SPART: variants seen among roughly 807,000 people sequenced by gnomAD.
The protein encoded by SPART is spastic paraplegia 20 (Troyer syndrome).
SPART carries 35 observed loss-of-function variants against 58.7 expected under a neutral mutation model. The observed-to-expected ratio is 0.60, with a 90% CI of 0.46 to 0.79. The LOEUF (loss-of-function observed/expected upper bound fraction) is 0.79. Among genes scored for constraint, SPART ranks in the 30% least tolerant of loss-of-function variants. The pLI is 0.00. For synonymous variants in SPART, 284 were observed against 280.7 expected, an observed-to-expected ratio of 1.01 and a Z score of -0.12; for missense variants, 730 against 786.1, an observed-to-expected ratio of 0.93 and a Z score of 0.85.
rs750885553 is a variant in SPART at position 36,314,271 on chromosome 13, G to A, written c.1439C>T (p.Ala480Val). ...TGCTGCTCCTCCTGTAGCTTGCTTC[G>A]CTATATAAAGTCCCTTGGTGACAGC... ...SPAVTKGLYIAKQATGGAAKV... is the reference protein window; with the variant it reads ...SPAVTKGLYIVKQATGGAAKV... Residue 480 changes from alanine to valine, a missense_variant, in exon 6 of 9, where the codon GCG becomes GTG. Coordinates refer to ENST00000438666, the MANE Select transcript of SPART (RefSeq NM_015087.5). 4.4e-5 allele frequency: 71 copies of A among 1,613,896 alleles called. No homozygotes were observed. The East Asian group carries it at 8.7e-4, about 20-fold the overall frequency.
intron 6 of SPART, chr13:36,313,910 C>A: frequency 2.7e-6 from 1 of 364,966 alleles, no homozygotes; most frequent in Non-Finnish European, 5.0e-6. Context: ...TCCTCTCCAA[C>A]ACATCAGAAC....
Position 36,335,202 on chromosome 13 carries a change from G to A in SPART, c.629C>T (p.Pro210Leu), listed in dbSNP as rs1883859051. 6.2e-7 allele frequency: 1 copy of A among 1,614,106 alleles called. No individual in the cohort carries two copies. Among genetic ancestry groups the A allele is most frequent in the Non-Finnish European group, 8.5e-7 (1 of 1,180,014 alleles). The change falls in exon 2 of 9, where the codon CCT (proline) becomes CTT (leucine). Residue 210 changes from proline to leucine, a missense_variant. Pro to Leu is a moderately conservative substitution (Grantham distance 98, BLOSUM62 -3). Transcript: ENST00000438666. ...EFYRNHSQPP[P>L]LETLGLDADE... ...TGCATCCAGCCCTAAGGTCTCAAGA[G>A]GCGGTGGCTGAGAATGATTCCTATA...
intron 5 of SPART, among the ~76,000 whole-genome samples, chr13:36,320,638 G>C (rs535700754): frequency 6.6e-6 from 1 of 152,020 alleles, no homozygotes; most frequent in Non-Finnish European, 1.5e-5. Context: ...CATCAAGCTC[G>C]AGGATTTGCT....
upstream of SPART, among the ~76,000 whole-genome samples, chr13:36,350,284 C>T (rs888453395): frequency 2.0e-5 from 3 of 152,136 alleles, no homozygotes; most frequent in Non-Finnish European, 2.9e-5. Context: ...TAAGTTATGC[C>T]GGTGAACACT....
intron 4 of SPART, among the ~76,000 whole-genome samples, chr13:36,327,805 T>C (rs1281788973): frequency 1.3e-5 from 2 of 152,106 alleles, no homozygotes; most frequent in Non-Finnish European, 2.9e-5. Flanking sequence ...CTGGCCAACA[T>C]GGTGAAACTG....
At chr13:36,306,570 C>T (rs1475106791) in intron 8 of SPART, among the ~76,000 whole-genome samples, 1 of 152,072 alleles carries the variant, frequency 6.6e-6, no homozygotes, top group East Asian at 1.9e-4. Context: ...TGGAATGTTC[C>T]CTATTCCACT....
chr13:36,317,434 A>G (rs993944663), intron 5 of SPART, among the ~76,000 whole-genome samples: 1 of 151,104 alleles, frequency 6.6e-6, no homozygotes, highest in African/African-American at 2.4e-5. Flanking sequence ...CCAACCTCTT[A>G]TATCTCTGTG....
chr13:36,365,556 T>C (rs963113137), intron 1 of SPART: 14 of 459,394 alleles, frequency 3.0e-5, no homozygotes, highest in Non-Finnish European at 6.3e-5. Flanking sequence ...AACCGCCTAT[T>C]GATACCTACC....
intron 2 of SPART, among the ~76,000 whole-genome samples, chr13:36,334,384 C>T (rs941824109): frequency 5.3e-5 from 8 of 151,990 alleles, no homozygotes; most frequent in African/African-American, 1.2e-4. Context: ...ACCACAGTCT[C>T]GACTTCTAAA....
intron 1 of SPART, among the ~76,000 whole-genome samples, chr13:36,340,362 C>CAA (rs34348536): frequency 6.6e-6 from 1 of 150,588 alleles, no homozygotes; most frequent in Non-Finnish European, 1.5e-5. Context: ...GACTCTGTTT[C>CAA]AAAAAAATAA....
chr13:36,338,364 A>C (rs1884222454), intron 1 of SPART, among the ~76,000 whole-genome samples: 1 of 152,184 alleles, frequency 6.6e-6, no homozygotes, highest in Admixed American at 6.5e-5. Flanking sequence ...CTCCCAAAAC[A>C]CACTTGAGAA....
chr13:36,314,808 G>T (rs1279523522), intron 5 of SPART, among the ~76,000 whole-genome samples: 1 of 152,044 alleles, frequency 6.6e-6, no homozygotes, highest in African/African-American at 2.4e-5. Context: ...TGTTCTTTTT[G>T]CCTTAGGCCA....
At chr13:36,315,695 G>C (rs1881620663) in intron 5 of SPART, among the ~76,000 whole-genome samples, 1 of 152,072 alleles carries the variant, frequency 6.6e-6, no homozygotes, top group Admixed American at 6.5e-5. Context: ...AACAACAAAA[G>C]GCTTGAAGAT....
At chr13:36,354,827 A>G (rs1028484782) in intron 1 of SPART, among the ~76,000 whole-genome samples, 3 of 152,210 alleles carry the variant, frequency 2.0e-5, no homozygotes, top group African/African-American at 7.2e-5. Flanking sequence ...TTTACAGCCA[A>G]TTCTACTCTA....
At chr13:36,339,120 C>T (rs1163061471) in intron 1 of SPART, among the ~76,000 whole-genome samples, 1 of 151,020 alleles carries the variant, frequency 6.6e-6, no homozygotes, top group African/African-American at 2.4e-5. Flanking sequence ...TTTATATCAA[C>T]ATAAAGAAAA....
chr13:36,367,131 T>G (rs1023390462), intron 1 of SPART, among the ~76,000 whole-genome samples: 2 of 152,104 alleles, frequency 1.3e-5, no homozygotes, highest in Admixed American at 6.6e-5. Flanking sequence ...TTGGGAAGTT[T>G]TCGGTTTTTA....
intron 4 of SPART, among the ~76,000 whole-genome samples, chr13:36,327,857 G>A (rs141986693): frequency 6.6e-6 from 1 of 152,288 alleles, no homozygotes; most frequent in Non-Finnish European, 1.5e-5. Flanking sequence ...AGCCGGGCAT[G>A]GTGGCAGGCA....
intron 1 of SPART, among the ~76,000 whole-genome samples, chr13:36,360,484 A>G (rs182337561): frequency 9.1e-4 from 138 of 152,098 alleles, no homozygotes; most frequent in Admixed American, 1.6e-3. Flanking sequence ...GAGCTATTTC[A>G]TACTGAGATG....
In SPART at chr13:36,328,207, A is replaced by C. The variant is rs564314899; in HGVS notation, c.1164+1155T>G. ...TCATATAGCTGGTCTAAGATGTTCA[A>C]CATAAACCACAGTGACACTTTGCAA... On this transcript the variant is annotated intron_variant, in intron 4 of 8. Transcript: ENST00000438666. Among the ~76,000 whole-genome samples the C allele has an allele frequency of 2.0e-5, 3 of 152,338 alleles. No individual in the cohort carries two copies. The East Asian group carries it at 5.8e-4, about 29-fold the overall frequency.
Sources: allele counts gnomAD v4.1 joint callset (sites outside exome capture counted in the v4.1 genomes callset), GRCh38; gene constraint gnomAD v4.1.1; transcripts MANE v1.5; gene names NCBI Gene and HGNC (gene_info 2026-07-23, HGNC 2026-07-21).